The following FYCO1 variants were observed in gnomAD, a reference collection of about 807,000 sequenced individuals.
The protein encoded by FYCO1 is FYVE and coiled-coil domain-containing protein 1.
Under a neutral mutation model 165.1 loss-of-function variants are expected in FYCO1, and 122 were observed. The ratio of observed to expected loss-of-function variants is 0.74; its 90% confidence interval spans 0.64 to 0.86. The LOEUF is 0.86. FYCO1 is among the 40% of genes least tolerant of loss of function. The pLI is 0.00. For missense variants in FYCO1, 1,702 were observed against 1,810.3 expected, an observed-to-expected ratio of 0.94 and a Z score of 1.09; for synonymous variants, 648 against 742.5, an observed-to-expected ratio of 0.87 and a Z score of 2.07.
chr3:45,930,676 C>T (rs1267029896), intron 16 of FYCO1, among the ~76,000 whole-genome samples: 2 of 152,206 alleles, frequency 1.3e-5, no homozygotes, highest in African/African-American at 2.4e-5. Flanking sequence ...TTGAGATGCA[C>T]CCTAAGCTAA....
intron 7 of FYCO1, 93 bp downstream of exon 7, chr3:45,969,582 G>A: frequency 2.1e-6 from 2 of 940,342 alleles, no homozygotes; most frequent in East Asian, 2.6e-5. Flanking sequence ...TGGAACAACG[G>A]GCATCTGAGA....
At chr3:45,970,093 AG>A (rs1488194575) in intron 6 of FYCO1, among the ~76,000 whole-genome samples, 1 of 152,164 alleles carries the variant, frequency 6.6e-6, no homozygotes, top group African/African-American at 2.4e-5. Context: ...AACAAGCAGC[AG>A]TCAGTTTGGT....
intron 14 of FYCO1, among the ~76,000 whole-genome samples, chr3:45,954,961 T>C (rs937181558): frequency 2.0e-5 from 3 of 152,208 alleles, no homozygotes; most frequent in Admixed American, 6.5e-5. Context: ...TGCGGTATTT[T>C]ATATAGCACC....
At chr3:45,992,056 T>C (rs1019354238) in intron 1 of FYCO1, among the ~76,000 whole-genome samples, 1 of 152,178 alleles carries the variant, frequency 6.6e-6, no homozygotes, top group African/African-American at 2.4e-5. Context: ...AAGCCAAACC[T>C]GCCAATGGCT....
At chr3:45,928,423 GT>G (rs905469385) in intron 16 of FYCO1, among the ~76,000 whole-genome samples, 1 of 152,190 alleles carries the variant, frequency 6.6e-6, no homozygotes, top group African/African-American at 2.4e-5. Context: ...GGCCAGCGGT[GT>G]GTACACTGGT....
intron 15 of FYCO1, 62 bp downstream of exon 15, chr3:45,936,386 A>G: frequency 1.8e-6 from 2 of 1,113,774 alleles, no homozygotes; most frequent in Non-Finnish European, 2.8e-6. Flanking sequence ...CCGGCACTGG[A>G]GAGGCCAGTG....
rs777307225 is a variant in FYCO1, at chr3:45,931,060, C to T, written c.4251+11G>A. The T allele has an allele frequency of 5.3e-5, 85 of 1,612,110 alleles. No homozygotes were observed. Among genetic ancestry groups the T allele is most frequent in the African/African-American group, 2.7e-5 (2 of 74,860 alleles). ...GTGTAAGGAGCCCACAGGCAGGGAG[C>T]CCAGCCTTACCTTACACTGATCCAG... On this transcript the variant is annotated intron_variant, in intron 16 of 17. Coordinates refer to ENST00000296137, the MANE Select transcript of FYCO1 (RefSeq NM_024513.4).
intron 14 of FYCO1, among the ~76,000 whole-genome samples, chr3:45,942,704 A>T (rs898624563): frequency 6.6e-6 from 1 of 152,194 alleles, no homozygotes; most frequent in Non-Finnish European, 1.5e-5. Flanking sequence ...TAGATCATGG[A>T]GACTGACAAC....
At chr3:45,947,125 T>C in intron 14 of FYCO1, 1 of 1,614,260 alleles carries the variant, frequency 6.2e-7, no homozygotes, top group Non-Finnish European at 8.5e-7. Context: ...TCAGTCATAA[T>C]CAAAACACTG....
intron 4 of FYCO1, among the ~76,000 whole-genome samples, chr3:45,977,414 A>C (rs1706829388): frequency 2.9e-5 from 3 of 103,442 alleles, no homozygotes; most frequent in South Asian, 3.6e-4. Context: ...TATAAAGGGA[A>C]CTATTTATTT....
At chr3:45,944,524 A>G (rs55764093) in intron 14 of FYCO1, among the ~76,000 whole-genome samples, 1,805 of 152,296 alleles carry the variant, frequency 0.012, 44 homozygotes, top group African/African-American at 0.04. Flanking sequence ...CCAAAGTTGT[A>G]GATTTTTTTT....
rs751256514 is a variant in FYCO1 at position 45,967,884 on chromosome 3, C to T, written c.1450G>A (p.Glu484Lys). The T allele has an allele frequency of 3.1e-6, 5 of 1,614,160 alleles. No homozygotes were observed. Among genetic ancestry groups the T allele is most frequent in the Non-Finnish European group, 4.2e-6 (5 of 1,180,030 alleles). Residue 484 changes from glutamate (E) to lysine (K), a missense_variant, in exon 8 of 18, where the codon GAG (glutamate) becomes AAG (lysine). Coordinates refer to ENST00000296137, the MANE Select transcript of FYCO1 (RefSeq NM_024513.4). ...CGCCTCAACTCTGCTAGCTCCTCCTCCCAGGAGCTCGTGTGGGCCAGCAAC... is the reference window on the plus strand; with the variant it reads ...CGCCTCAACTCTGCTAGCTCCTCCTTCCAGGAGCTCGTGTGGGCCAGCAAC... ...QELLAHTSSW[E>K]EELAELRREK...
At chr3:45,959,347 G>C in intron 12 of FYCO1, 46 bp downstream of exon 12, 1 of 1,607,974 alleles carries the variant, frequency 6.2e-7, no homozygotes, top group Admixed American at 1.7e-5. Flanking sequence ...CTCTGGTCCT[G>C]GGCCCCACCA....
In FYCO1 at chr3:45,937,655, G is replaced by C. The variant is rs1264745348; in HGVS notation, c.3945-1112C>G. 7.9e-5 allele frequency among the ~76,000 whole-genome samples: 12 copies of C among 152,370 alleles called. 1 individual carries two copies. In the South Asian group the frequency reaches 2.5e-3, roughly 32 times the overall value. ...GAAAGAAGTGGGCTTGCTCTGGTCAGCAGCTTCCTGCCCACAGCCTCCGCT... is the reference window on the plus strand; with the variant it reads ...GAAAGAAGTGGGCTTGCTCTGGTCACCAGCTTCCTGCCCACAGCCTCCGCT... On this transcript the variant is annotated intron_variant, in intron 14 of 17. Coordinates refer to ENST00000296137, the MANE Select transcript of FYCO1 (RefSeq NM_024513.4).
At chr3:45,958,263 T>G (rs1705466785) in intron 13 of FYCO1, 145 bp downstream of exon 13, 1 of 688,214 alleles carries the variant, frequency 1.5e-6, no homozygotes, top group Admixed American at 2.5e-5. Flanking sequence ...AGTCTCAAGT[T>G]GGTGGTAATA....
At chr3:45,932,280 A>G (rs191454840) in intron 15 of FYCO1, among the ~76,000 whole-genome samples, 128 of 152,362 alleles carry the variant, frequency 8.4e-4, no homozygotes, top group South Asian at 1.7e-3. Flanking sequence ...ACTTAGGAGC[A>G]GTGTGGCCTT....
intron 2 of FYCO1, among the ~76,000 whole-genome samples, chr3:45,982,853 C>T (rs1030842226): frequency 3.9e-5 from 6 of 152,146 alleles, no homozygotes; most frequent in Non-Finnish European, 5.9e-5. Flanking sequence ...TCCACTGTAC[C>T]TTGCTAGAAG....
In FYCO1 at chr3:45,964,574, T is replaced by C. The variant is rs538778839; in HGVS notation, c.3151-120A>G. 3.7e-4 allele frequency: 574 copies of C among 1,540,740 alleles called. 7 individuals carry two copies. The South Asian group carries it at 6.6e-3, about 18-fold the overall frequency. On this transcript the variant is annotated intron_variant, in intron 9 of 17. Transcript: ENST00000296137. This position sits in a 1 kb window ranked among gnomAD's most constrained non-coding sequence, Gnocchi z 4.1. ...GGTCACTTCTAAATGGAGGGTTGTTTCCTATTAAGTTCAAGAGGCCATGAA... is the reference window on the plus strand; with the variant it reads ...GGTCACTTCTAAATGGAGGGTTGTTCCCTATTAAGTTCAAGAGGCCATGAA...
chr3:45,967,823 A>T lies in FYCO1; in HGVS notation c.1511T>A (p.Leu504Gln). The change falls in exon 8 of 18, where the codon CTG (leucine) becomes CAG (glutamine). Residue 504 changes from leucine to glutamine, a missense_variant. Physicochemically the swap from Leu to Gln is moderately radical, Grantham distance 113. Transcript: ENST00000296137. ...GGTCAGAGACCTGACCTCCTGCTCC[A>T]GCAGCTCCTTCTCCTCCTGTTGCTG... ...KKQQQEEKEL[L>Q]EQEVRSLTRQ... 2 of 1,613,966 alleles carry T rather than the reference A, an allele frequency of 1.2e-6. No individual in the cohort carries two copies. Among genetic ancestry groups the T allele is most frequent in the Non-Finnish European group, 1.7e-6 (2 of 1,180,002 alleles).
Sources: gnomAD v4.1 joint callset for allele counts (sites outside exome capture counted in the v4.1 genomes callset) on GRCh38, gnomAD v4.1.1 for gene constraint, Gnocchi (gnomAD v3.1) non-coding constraint, MANE v1.5 for transcripts, NCBI Gene and HGNC (gene_info 2026-07-23, HGNC 2026-07-21) for gene names.